CSMD1: variants seen among roughly 807,000 people sequenced by gnomAD.
CSMD1 encodes CUB and Sushi multiple domains 1.
Under a neutral mutation model 417.5 loss-of-function variants are expected in CSMD1, and 213 were observed. The observed-to-expected ratio is 0.51, with a 90% CI of 0.46 to 0.57. The LOEUF (loss-of-function observed/expected upper bound fraction) is 0.57. Among genes scored for constraint, CSMD1 ranks in the 20% least tolerant of loss-of-function variants. CSMD1 has a pLI of 0.00. For missense variants in CSMD1, 6,923 were observed against 4,529.7 expected (o/e 1.53, Z -15.17); for synonymous variants, 2,862 against 1,736.8 (o/e 1.65, Z -16.11).
At chr8:3,868,509 C>G (rs184510814) in intron 5 of CSMD1, among the ~76,000 whole-genome samples, 147 of 152,196 alleles carry the variant, frequency 9.7e-4, no homozygotes, top group African/African-American at 3.4e-3. Flanking sequence ...AGAACACTTA[C>G]CAACACCACC....
chr8:3,060,951 C>T (rs1812552864), intron 49 of CSMD1, among the ~76,000 whole-genome samples: 1 of 152,152 alleles, frequency 6.6e-6, no homozygotes, highest in African/African-American at 2.4e-5. Flanking sequence ...ATTTCAGCTT[C>T]ATGTTTGTTA....
chr8:3,994,013 C>T (rs1054195754), intron 5 of CSMD1, among the ~76,000 whole-genome samples: 2 of 152,110 alleles, frequency 1.3e-5, no homozygotes, highest in Non-Finnish European at 2.9e-5. Context: ...GCGTGCCTGG[C>T]AGGGAGGGAG....
chr8:4,529,253 A>G (rs1211978477), intron 2 of CSMD1, among the ~76,000 whole-genome samples: 3 of 152,134 alleles, frequency 2.0e-5, no homozygotes, highest in African/African-American at 2.4e-5. Context: ...TTCTGTTCGG[A>G]GTGGACAATG....
chr8:3,546,940 G>A (rs531141914), intron 10 of CSMD1, among the ~76,000 whole-genome samples: 1 of 152,224 alleles, frequency 6.6e-6, no homozygotes, highest in African/African-American at 2.4e-5. Flanking sequence ...GGATATCAGA[G>A]GTCTTGAGCT....
chr8:3,467,499 G>C (rs1563067052), intron 12 of CSMD1, among the ~76,000 whole-genome samples: 1 of 152,178 alleles, frequency 6.6e-6, no homozygotes, highest in Non-Finnish European at 1.5e-5. Flanking sequence ...AGTTGCCTCT[G>C]CATTCTAGTT....
At chr8:3,381,459 G>C (rs1439627434) in intron 18 of CSMD1, among the ~76,000 whole-genome samples, 1 of 152,048 alleles carries the variant, frequency 6.6e-6, no homozygotes, top group Non-Finnish European at 1.5e-5. Context: ...CAAATTTAGG[G>C]TAATTTAATA....
chr8:3,415,533 T>C (rs1377248965), intron 12 of CSMD1, among the ~76,000 whole-genome samples: 1 of 152,138 alleles, frequency 6.6e-6, no homozygotes, highest in Non-Finnish European at 1.5e-5. Flanking sequence ...AATTTTTGTA[T>C]TTTTTAGCAG....
intron 17 of CSMD1, among the ~76,000 whole-genome samples, chr8:3,391,879 C>A (rs193155349): frequency 6.6e-6 from 1 of 152,012 alleles, no homozygotes; most frequent in East Asian, 1.9e-4. Context: ...TAATGTGAAA[C>A]ATGTATGATG....
chr8:3,780,870 A>G (rs1175761732), intron 5 of CSMD1, among the ~76,000 whole-genome samples: 1 of 152,154 alleles, frequency 6.6e-6, no homozygotes, highest in Non-Finnish European at 1.5e-5. Context: ...ATATTTTGAG[A>G]TTTGCAGAGT....
chr8:3,436,686 C>T (rs576164735), intron 12 of CSMD1, among the ~76,000 whole-genome samples: 5 of 152,146 alleles, frequency 3.3e-5, no homozygotes, highest in African/African-American at 7.2e-5. Context: ...GTTCTATATA[C>T]GCGACACCTT....
intron 3 of CSMD1, among the ~76,000 whole-genome samples, chr8:4,072,274 G>T (rs1330104509): frequency 1.3e-5 from 2 of 152,110 alleles, no homozygotes; most frequent in East Asian, 3.9e-4. Flanking sequence ...TGGCCATCCT[G>T]AATTGCACTT....
intron 12 of CSMD1, among the ~76,000 whole-genome samples, chr8:3,436,270 G>A (rs140235685): frequency 4.0e-4 from 61 of 152,262 alleles, no homozygotes; most frequent in Non-Finnish European, 5.9e-4. Flanking sequence ...TTACCAACGC[G>A]ATAGTAAGAT....
chr8:4,974,686 A>C (rs1474599670), intron 1 of CSMD1, among the ~76,000 whole-genome samples: 2 of 152,204 alleles, frequency 1.3e-5, no homozygotes, highest in African/African-American at 4.8e-5. Context: ...TCAGAGACCT[A>C]AGAGTAAGAC....
intron 3 of CSMD1, among the ~76,000 whole-genome samples, chr8:4,357,376 TTCA>T (rs1180752088): frequency 3.3e-5 from 5 of 152,180 alleles, no homozygotes; most frequent in African/African-American, 1.2e-4. Flanking sequence ...CCCACTGTAT[TTCA>T]TCAAATAATT....
chr8:4,291,338 A>C (rs1229825832), intron 3 of CSMD1, among the ~76,000 whole-genome samples: 7 of 152,150 alleles, frequency 4.6e-5, no homozygotes, highest in Admixed American at 6.6e-5. Flanking sequence ...ACTTTCCTTT[A>C]AATTGATAAA....
At chr8:4,394,142 A>C (rs1804047717) in intron 3 of CSMD1, among the ~76,000 whole-genome samples, 1 of 152,182 alleles carries the variant, frequency 6.6e-6, no homozygotes, top group Admixed American at 6.5e-5. Flanking sequence ...ATTATTATTG[A>C]GAGCTTATTC....
Position 4,116,451 on chromosome 8 carries a change from G to A in CSMD1, c.416-84352C>T, listed in dbSNP as rs918341588. ...CAGATGGCGACGTATGAGTGCAGGT[G>A]CCTGAATGGAACAAACGCGCCATGA... On this transcript the variant is annotated intron_variant, in intron 3 of 69. Transcript: ENST00000635120. 9.7e-5 allele frequency among the ~76,000 whole-genome samples: 14 copies of A among 144,920 alleles called. 1 individual carries two copies. Among genetic ancestry groups the A allele is most frequent in the African/African-American group, 3.1e-4 (12 of 38,206 alleles).
chr8:4,277,327 C>A (rs1053023679), intron 3 of CSMD1, among the ~76,000 whole-genome samples: 2 of 152,082 alleles, frequency 1.3e-5, no homozygotes, highest in African/African-American at 4.8e-5. Context: ...GGACTGACTT[C>A]CCTTGGATTT....
intron 7 of CSMD1, among the ~76,000 whole-genome samples, chr8:3,621,030 G>C (rs1796208039): frequency 6.6e-6 from 1 of 152,078 alleles, no homozygotes; most frequent in Non-Finnish European, 1.5e-5. Flanking sequence ...CTTCTAAGAA[G>C]GGTAAGTTAG....
Sources: gnomAD v4.1 joint callset for allele counts (sites outside exome capture counted in the v4.1 genomes callset) on GRCh38, gnomAD v4.1.1 for gene constraint, MANE v1.5 for transcripts, NCBI Gene and HGNC (gene_info 2026-07-23, HGNC 2026-07-21) for gene names.